The following HOMER3 variants were observed in gnomAD, a reference collection of about 807,000 sequenced individuals.
HOMER3 encodes the protein homer protein homolog 3.
In HOMER3, 34 loss-of-function variants were observed where a neutral mutation model predicts 45.5. The ratio of observed to expected loss-of-function variants is 0.75; its 90% CI spans 0.57 to 1.00. The LOEUF is 1.00. HOMER3 is among the 50% of genes least tolerant of loss of function. The probability of loss-of-function intolerance (pLI) is 0.00; values close to 1 mark genes in which losing one functional copy is unlikely to be tolerated. For synonymous variants in HOMER3, 223 were observed against 208.8 expected (o/e 1.07, Z -0.58); for missense variants, 480 against 497.5 (o/e 0.96, Z 0.33).
chr19:18,931,703 T>C, intron 7 of HOMER3, 78 bp from the exon 8 acceptor site: 1 of 1,519,590 alleles, frequency 6.6e-7, no homozygotes. Flanking sequence ...GGAATCTGCC[T>C]CCTGTCTGGC....
intron 4 of HOMER3, among the ~76,000 whole-genome samples, chr19:18,938,067 C>T (rs981625404): frequency 1.1e-4 from 16 of 152,024 alleles, no homozygotes; most frequent in Admixed American, 5.9e-4. Flanking sequence ...TGGCGGACTC[C>T]TGTAGTCCCA....
chr19:18,938,710 C>T lies in HOMER3; in HGVS notation c.171+18G>A. ...CAGGACTCCTGGTGCCTCTGCCCCA[C>T]CCAGACCCCACCCTGACCTTGGCGC... On this transcript the variant is annotated intron_variant, in intron 3 of 9. Transcript: ENST00000392351. The T allele has an allele frequency of 1.3e-6, 2 of 1,565,880 alleles. No homozygotes were observed. The highest frequency in any genetic ancestry group is 8.7e-7 in the Non-Finnish European group (1 of 1,149,958).
In HOMER3 at chr19:18,938,438, GT is replaced by G; in HGVS notation, c.217del (p.Thr73LeufsTer27). 1 of 1,614,174 alleles carries G rather than the reference GT, an allele frequency of 6.2e-7. No homozygotes were observed. The highest frequency in any genetic ancestry group is 8.5e-7 in the Non-Finnish European group (1 of 1,179,986). Reference protein sequence around the residue: ...TVTPNMTFTKTSQKFGQWADS... With the variant: ...TVTPNMTFTKXSQKFGQWADS... ...GGCCCACTGCCCGAACTTCTGGGAAGTTTTGGTGAAGGTCATGTTGGGAGTG... is the reference window on the plus strand; with the variant it reads ...GGCCCACTGCCCGAACTTCTGGGAAGTTTGGTGAAGGTCATGTTGGGAGTG... On this transcript the variant is annotated frameshift_variant, in exon 4 of 10. Transcript: ENST00000392351. LOFTEE classifies it high-confidence loss of function.
At chr19:18,930,681 T>C (rs28714268) in intron 9 of HOMER3, among the ~76,000 whole-genome samples, 72,205 of 151,406 alleles carry the variant, frequency 0.48, 17,774 homozygotes, top group Middle Eastern at 0.58. Context: ...TCGAGACCAG[T>C]CTGGCCAACA....
chr19:18,935,771 G>A, intron 4 of HOMER3, among the ~76,000 whole-genome samples: 1 of 151,990 alleles, frequency 6.6e-6, no homozygotes, highest in East Asian at 1.9e-4. Flanking sequence ...TGTAATCCCA[G>A]CACTTTGGGA....
intron 5 of HOMER3, among the ~76,000 whole-genome samples, chr19:18,933,841 A>G (rs990722417): frequency 1.3e-5 from 2 of 152,002 alleles, no homozygotes; most frequent in Non-Finnish European, 2.9e-5. Context: ...AGTAGCTGGG[A>G]CTACAGGCGC....
intron 5 of HOMER3, among the ~76,000 whole-genome samples, chr19:18,933,316 C>T (rs1332459275): frequency 6.6e-6 from 1 of 152,100 alleles, no homozygotes; most frequent in Non-Finnish European, 1.5e-5. Context: ...TTAGTCTAAA[C>T]CAAGATACTT....
intron 6 of HOMER3, 45 bp downstream of exon 6, chr19:18,932,879 A>ACCCCCCCCCCCCCCCCCCCCC: frequency 3.5e-5 from 8 of 226,440 alleles, no homozygotes; most frequent in East Asian, 1.4e-4. Flanking sequence ...CTCGTCCCCC[A>ACCCCCCCCCCCCCCCCCCCCC]CCCCTACCCC....
At chr19:18,931,892 C>T in intron 7 of HOMER3, 84 bp downstream of exon 7, 1 of 1,442,128 alleles carries the variant, frequency 6.9e-7, no homozygotes, top group Non-Finnish European at 9.1e-7. Context: ...TCCATGAACC[C>T]AGGGCAGATG....
chr19:18,934,061 T>A (rs1355541839), intron 5 of HOMER3, among the ~76,000 whole-genome samples: 1 of 152,204 alleles, frequency 6.6e-6, no homozygotes, highest in East Asian at 1.9e-4. Context: ...CTGGTTTTGC[T>A]ACTGGGACCT....
intron 4 of HOMER3, among the ~76,000 whole-genome samples, chr19:18,936,321 T>TAAATAAAC (rs1555715377): frequency 0.058 from 7,978 of 137,256 alleles, 743 homozygotes; most frequent in African/African-American, 0.21. Context: ...CTCAAAAAAA[T>TAAATAAAC]AAATAAATAA....
intron 1 of HOMER3, chr19:18,940,850 A>G (rs969442678): frequency 6.6e-6 from 1 of 150,912 alleles, no homozygotes; most frequent in Non-Finnish European, 1.5e-5. Flanking sequence ...AACTTTGGGA[A>G]CCTCCCACGC....
chr19:18,938,307 G>T, intron 4 of HOMER3, 46 bp downstream of exon 4: 1 of 1,573,286 alleles, frequency 6.4e-7, no homozygotes, highest in Non-Finnish European at 8.7e-7. Context: ...GAAGACTTGG[G>T]CCCAGTCTCA....
At chr19:18,931,883 C>T in intron 7 of HOMER3, 93 bp downstream of exon 7, 1 of 1,437,348 alleles carries the variant, frequency 7.0e-7, no homozygotes, top group Non-Finnish European at 9.1e-7. Flanking sequence ...CACAGCTAGT[C>T]CATGAACCCA....
In HOMER3 at chr19:18,938,913, G is replaced by A. The variant is rs894718549; in HGVS notation, c.15-29C>T. Reference sequence around the variant, plus strand: ...CGTGGGGAGAGGGTGTTTGGTGGGGGCCAGGCACCCCCACTTAGAAAGCTC... The same window carrying A: ...CGTGGGGAGAGGGTGTTTGGTGGGGACCAGGCACCCCCACTTAGAAAGCTC... On this transcript the variant is annotated intron_variant, in intron 2 of 9. Coordinates refer to ENST00000392351, the MANE Select transcript of HOMER3 (RefSeq NM_004838.4). 4 of 1,606,284 alleles carry A rather than the reference G, an allele frequency of 2.5e-6. No homozygotes were observed. In the East Asian group the frequency reaches 9.0e-5, roughly 36 times the overall value.
chr19:18,931,592 C>T lies in HOMER3; in HGVS notation c.724G>A (p.Val242Met). The change falls in exon 8 of 10, where the codon GTG (valine) becomes ATG (methionine). Residue 242 changes from valine (V) to methionine (M), a missense_variant. Transcript: ENST00000392351. Reference sequence around the variant, plus strand: ...CCCTCCTTCTCACCGGTGGGGGTCACCTCTGAAGCTGCCTGAGCCTCCAGC... The same window carrying T: ...CCCTCCTTCTCACCGGTGGGGGTCATCTCTGAAGCTGCCTGAGCCTCCAGC... Reference protein sequence around the residue: ...AELEAQAASEVTPTGEKEGLG... With the variant: ...AELEAQAASEMTPTGEKEGLG... The T allele has an allele frequency of 5.0e-6, 8 of 1,612,738 alleles. No homozygotes were observed. Among genetic ancestry groups the T allele is most frequent in the Non-Finnish European group, 6.8e-6 (8 of 1,179,786 alleles).
chr19:18,929,462 AGGCGGGCCAGGCC>A lies in HOMER3; in HGVS notation c.1054_1066del (p.Gly352TrpfsTer28). 11 of 1,596,004 alleles carry A rather than the reference AGGCGGGCCAGGCC, an allele frequency of 6.9e-6. No homozygotes were observed. Among genetic ancestry groups the A allele is most frequent in the Non-Finnish European group, 9.4e-6 (11 of 1,174,708 alleles). The stretch of plus-strand genomic sequence containing the variant: ...CCCGGCTCAGGGCGCAGCCTCAGCC[AGGCGGGCCAGGCC>A]CTCACGCAGCTCACTCAGCTCAAAC... On this transcript the variant is annotated frameshift_variant, in exon 10 of 10. Coordinates refer to ENST00000392351, the MANE Select transcript of HOMER3 (RefSeq NM_004838.4). LOFTEE classifies it high-confidence loss of function.
At position 18,929,265 on chromosome 19, in the gene HOMER3, C is replaced by G. The variant is rs777227137; in HGVS notation, c.*178G>C. 22 of 774,834 alleles carry G rather than the reference C, an allele frequency of 2.8e-5. No homozygotes were observed. The highest frequency in any genetic ancestry group is 8.4e-5 in the African/African-American group (5 of 59,322). 48.0% of individuals were successfully genotyped at this position (774,834 alleles called of 1,614,324 possible). A position where few individuals can be genotyped will look rare whatever the true frequency, so the allele number is the denominator to read the frequency against. ...ACACAATGAGAAGCTCAAAAACAGC[C>G]CCAAAGCTGCCAACAACCAGAGCCG... On this transcript the variant is annotated 3_prime_UTR_variant, in exon 10 of 10. Coordinates refer to ENST00000392351, the MANE Select transcript of HOMER3 (RefSeq NM_004838.4).
intron 3 of HOMER3, 23 bp downstream of exon 3, chr19:18,938,705 C>CCCCCCCCCCAA: frequency 7.8e-6 from 12 of 1,532,682 alleles, no homozygotes; most frequent in African/African-American, 2.7e-5. Context: ...GGTGCCTCTG[C>CCCCCCCCCCAA]CCCACCCAGA....
Sources: gnomAD v4.1 joint callset for allele counts (sites outside exome capture counted in the v4.1 genomes callset) on GRCh38, gnomAD v4.1.1 for gene constraint, MANE v1.5 for transcripts, NCBI Gene and HGNC (gene_info 2026-07-23, HGNC 2026-07-21) for gene names.